PDE6D: variants seen among roughly 807,000 people sequenced by gnomAD.
PDE6D encodes phosphodiesterase 6D, also known as retinal rod rhodopsin-sensitive cGMP 3',5'-cyclic phosphodiesterase subunit delta.
A neutral mutation model predicts 21.9 loss-of-function variants in PDE6D; 10 were observed. That is an observed-to-expected ratio of 0.46 (90% CI 0.28 to 0.78). PDE6D has a LOEUF of 0.78. Ranked by LOEUF, PDE6D falls within the 30% of genes least tolerant of loss-of-function variation. The pLI, the probability that PDE6D is intolerant of heterozygous loss-of-function variation, is 0.12. For missense variants in PDE6D, 139 were observed against 184.8 expected, an observed-to-expected ratio of 0.75 and a Z score of 1.44; for synonymous variants, 59 against 63.5, an observed-to-expected ratio of 0.93 and a Z score of 0.34.
In PDE6D at chr2:231,732,829, G is replaced by T; in HGVS notation, c.*123C>A. ...CTGGTCCCCTGGTGGCTGCAGGTAG[G>T]TTCTGCTGTTGAGGGAATTAGGGGT... is the stretch of plus-strand genomic sequence containing the variant. On this transcript the variant is annotated 3_prime_UTR_variant, in exon 5 of 5. Transcript: ENST00000287600. 2 of 693,196 alleles carry T rather than the reference G, an allele frequency of 2.9e-6. No homozygotes were observed. The highest frequency in any genetic ancestry group is 5.2e-6 in the Non-Finnish European group (2 of 386,034). The allele number at this position is 693,196 out of a possible 1,614,324, so 42.9% of individuals were successfully genotyped here. A position where few individuals can be genotyped will look rare whatever the true frequency, so the allele number is the denominator to read the frequency against.
chr2:231,741,726 T>C (rs1574619064), intron 1 of PDE6D, among the ~76,000 whole-genome samples: 1 of 152,276 alleles, frequency 6.6e-6, no homozygotes, highest in African/African-American at 2.4e-5. Flanking sequence ...ATCCAAGTAC[T>C]GACATCAAGA....
intron 1 of PDE6D, among the ~76,000 whole-genome samples, chr2:231,740,807 G>C (rs897411109): frequency 1.3e-5 from 2 of 151,818 alleles, no homozygotes; most frequent in Non-Finnish European, 2.9e-5. Flanking sequence ...ACAGAGGGGA[G>C]GATGGCATCA....
chr2:231,779,020 A>C (rs2049079708), intron 1 of PDE6D: 2 of 152,252 alleles, frequency 1.3e-5, no homozygotes, highest in Non-Finnish European at 2.9e-5. Context: ...TCAGTTTCTT[A>C]CTAAAACATT....
At chr2:231,776,735 G>A (rs560630436) in intron 1 of PDE6D, among the ~76,000 whole-genome samples, 2 of 152,282 alleles carry the variant, frequency 1.3e-5, no homozygotes, top group Admixed American at 1.3e-4. Flanking sequence ...TTGAAGGAAC[G>A]AAATGGGAAA....
chr2:231,768,847 AT>A (rs1008890550), intron 1 of PDE6D, among the ~76,000 whole-genome samples: 2 of 152,052 alleles, frequency 1.3e-5, no homozygotes, highest in Admixed American at 6.5e-5. Flanking sequence ...AATACAAGTT[AT>A]TTGGTCATGG....
Position 231,781,099 on chromosome 2 carries a change from C to G in PDE6D, c.16G>C (p.Glu6Gln). ...CCCCTCAGGATCTCCCTGGCCCGCT[C>G]GTCCTTGGCTGACATGATGCGGCGG... MSAKD[E>Q]RAREILRGFK... The change falls in exon 1 of 5, where the codon GAG (glutamate) becomes CAG (glutamine). Residue 6 changes from glutamate (E) to glutamine (Q), a missense_variant. Transcript: ENST00000287600. 6.2e-7 allele frequency: 1 copy of G among 1,613,488 alleles called. No individual in the cohort carries two copies. The highest frequency in any genetic ancestry group is 8.5e-7 in the Non-Finnish European group (1 of 1,179,788).
rs376204482 is a variant in PDE6D, at chr2:231,754,665, C to T, written c.51-15477G>A. 1.0e-4 allele frequency among the ~76,000 whole-genome samples: 15 copies of T among 149,078 alleles called. No individual in the cohort carries two copies. In the South Asian group the frequency reaches 3.1e-3, roughly 31 times the overall value. ...GGCATTACAGGTGTGAGCCACCACG[C>T]CCAGCCTTCTTTTGTCTTTTTTTTT... On this transcript the variant is annotated intron_variant, in intron 1 of 4. Coordinates refer to ENST00000287600, the MANE Select transcript of PDE6D (RefSeq NM_002601.4).
intron 1 of PDE6D, among the ~76,000 whole-genome samples, chr2:231,745,109 G>A (rs1019253554): frequency 3.9e-5 from 6 of 152,022 alleles, no homozygotes; most frequent in African/African-American, 1.4e-4. Flanking sequence ...TAGTCTATTA[G>A]TAAGGAGAAA....
At chr2:231,775,042 A>AGAGGCTGTAATCT (rs1460602685) in intron 1 of PDE6D, among the ~76,000 whole-genome samples, 1 of 151,918 alleles carries the variant, frequency 6.6e-6, no homozygotes, top group Non-Finnish European at 1.5e-5. Flanking sequence ...CCTCTTGAGC[A>AGAGGCTGTAATCT]GCTGGGATTA....
intron 1 of PDE6D, among the ~76,000 whole-genome samples, chr2:231,753,807 G>GT (rs2048862045): frequency 6.6e-6 from 1 of 152,074 alleles, no homozygotes; most frequent in Admixed American, 6.5e-5. Flanking sequence ...CCTTCAATAG[G>GT]TTTTCACTGT....
intron 3 of PDE6D, 78 bp from the exon 4 acceptor site, chr2:231,737,370 G>C: frequency 1.4e-6 from 1 of 726,960 alleles, no homozygotes; most frequent in Non-Finnish European, 2.4e-6. Flanking sequence ...CCTCTCTAGA[G>C]TGAGCCTCTT....
At chr2:231,746,980 G>C (rs2048798861) in intron 1 of PDE6D, among the ~76,000 whole-genome samples, 1 of 152,170 alleles carries the variant, frequency 6.6e-6, no homozygotes, top group Admixed American at 6.5e-5. Flanking sequence ...TCACAAGACA[G>C]TTTGAAATTG....
chr2:231,753,790 T>G (rs1054439160), intron 1 of PDE6D, among the ~76,000 whole-genome samples: 27 of 152,162 alleles, frequency 1.8e-4, no homozygotes, highest in African/African-American at 6.5e-4. Context: ...TACCTCCTCT[T>G]CAAAAACCTT....
intron 1 of PDE6D, among the ~76,000 whole-genome samples, chr2:231,780,695 A>G (rs1475062893): frequency 6.6e-6 from 1 of 151,782 alleles, no homozygotes; most frequent in East Asian, 1.9e-4. Flanking sequence ...GCGCCCCCTC[A>G]GCCCTTCTCC....
At chr2:231,780,821 C>T (rs910286855) in intron 1 of PDE6D, among the ~76,000 whole-genome samples, 8 of 152,278 alleles carry the variant, frequency 5.3e-5, no homozygotes, top group African/African-American at 1.7e-4. Context: ...CCCCAGGCTC[C>T]CCCGTCTCCA....
intron 1 of PDE6D, chr2:231,778,603 C>A (rs1045320919): frequency 2.0e-5 from 3 of 152,246 alleles, no homozygotes; most frequent in Non-Finnish European, 4.4e-5. Context: ...TTTACTCTTA[C>A]AGCCCCATGA....
rs1441177333 is a variant in PDE6D, at chr2:231,761,644, C to A, written c.50+19421G>T. The stretch of plus-strand genomic sequence containing the variant: ...CAATATTTCTAGCCTTATCTGGCAT[C>A]TAGCTATATTCATAGTTTAAAGGTA... On this transcript the variant is annotated intron_variant, in intron 1 of 4. Transcript: ENST00000287600. 2.0e-5 allele frequency among the ~76,000 whole-genome samples: 3 copies of A among 152,224 alleles called. 1 individual carries two copies. The highest frequency in any genetic ancestry group is 7.2e-5 in the African/African-American group (3 of 41,458).
intron 1 of PDE6D, among the ~76,000 whole-genome samples, chr2:231,767,325 G>GC: frequency 6.9e-6 from 1 of 145,900 alleles, no homozygotes; most frequent in East Asian, 2.0e-4. Flanking sequence ...CATTATCCTT[G>GC]TTTTTTTTTT....
At chr2:231,775,738 T>A (rs1299797817) in intron 1 of PDE6D, among the ~76,000 whole-genome samples, 1 of 152,170 alleles carries the variant, frequency 6.6e-6, no homozygotes, top group East Asian at 1.9e-4. Context: ...TAAATGCTTA[T>A]CCTATTGATT....
Sources: allele counts gnomAD v4.1 joint callset (sites outside exome capture counted in the v4.1 genomes callset), GRCh38; gene constraint gnomAD v4.1.1; transcripts MANE v1.5; gene names NCBI Gene and HGNC (gene_info 2026-07-23, HGNC 2026-07-21).